Variants in NWD1 observed in about 807,000 individuals in gnomAD.
The protein encoded by NWD1 is NACHT domain- and WD repeat-containing protein 1.
In NWD1, 129 loss-of-function variants were observed where a neutral mutation model predicts 135.1. The observed-to-expected ratio is 0.96, with a 90% CI of 0.83 to 1.11. The LOEUF (loss-of-function observed/expected upper bound fraction) is 1.11, where lower values mean the gene tolerates loss of function less well. NWD1 is among the 50% of genes least tolerant of loss of function. The pLI, the probability that NWD1 is intolerant of heterozygous loss-of-function variation, is 0.00. For synonymous variants in NWD1, 773 were observed against 786.0 expected (o/e 0.98, Z 0.28); for missense variants, 1,740 against 1,851.3 (o/e 0.94, Z 1.10).
intron 2 of NWD1, among the ~76,000 whole-genome samples, chr19:16,725,486 AC>A (rs780915526): frequency 3.9e-5 from 6 of 152,018 alleles, no homozygotes; most frequent in Non-Finnish European, 8.8e-5. Flanking sequence ...TCACCTAACA[AC>A]AAACCTCCTG....
intron 8 of NWD1, among the ~76,000 whole-genome samples, 159 bp downstream of exon 8, chr19:16,762,297 C>CTTTTTTTTT (rs71180331): frequency 1.7e-5 from 2 of 118,120 alleles, no homozygotes; most frequent in Non-Finnish European, 3.4e-5. Context: ...CCCCCCACTC[C>CTTTTTTTTT]TTTTTTTTTT....
chr19:16,808,990 G>A (rs1568398961), intron 18 of NWD1, among the ~76,000 whole-genome samples: 2 of 152,112 alleles, frequency 1.3e-5, no homozygotes, highest in Non-Finnish European at 2.9e-5. Flanking sequence ...GGGCTGAGGC[G>A]GAAGGATTGA....
chr19:16,725,316 T>TC (rs2122666669), intron 2 of NWD1, among the ~76,000 whole-genome samples: 1 of 151,828 alleles, frequency 6.6e-6, no homozygotes, highest in African/African-American at 2.4e-5. Context: ...TACACAAATT[T>TC]TTTTTTTTTT....
intron 10 of NWD1, among the ~76,000 whole-genome samples, chr19:16,766,963 T>C (rs1006386577): frequency 6.6e-6 from 1 of 152,150 alleles, no homozygotes; most frequent in Non-Finnish European, 1.5e-5. Context: ...ACCATTCATC[T>C]CCAGAACTTG....
At chr19:16,761,840 G>T in intron 7 of NWD1, 139 bp from the exon 8 acceptor site, 2 of 576,154 alleles carry the variant, frequency 3.5e-6, no homozygotes, top group South Asian at 2.7e-5. Flanking sequence ...AGATAGATGT[G>T]ATGTATCAAA....
Position 16,779,346 on chromosome 19 carries a change from T to A in NWD1, c.2612T>A (p.Ile871Asn). 5.0e-6 allele frequency: 8 copies of A among 1,613,888 alleles called. No individual in the cohort carries two copies. Among genetic ancestry groups the A allele is most frequent in the Non-Finnish European group, 6.8e-6 (8 of 1,179,990 alleles). ...TGTTGCCTCTGTGTGGCTGCAGGCA[T>A]CACCGCCATGGCATGGGGTGTGGAG... Reference protein sequence around the residue: ...RATLSGCHKGITAMAWGVEEK... With the variant: ...RATLSGCHKGNTAMAWGVEEK... The change falls in exon 12 of 19, where the codon ATC becomes AAC. Residue 871 changes from isoleucine (I) to asparagine (N), a missense_variant. By Grantham distance (149) the Ile-to-Asn change is moderately radical. Coordinates refer to ENST00000524140, the MANE Select transcript of NWD1 (RefSeq NM_001007525.5).
chr19:16,800,429 G>A (rs1010576365), intron 17 of NWD1, among the ~76,000 whole-genome samples: 2 of 70,618 alleles, frequency 2.8e-5, no homozygotes, highest in Non-Finnish European at 5.5e-5. Context: ...AGCTACTTGC[G>A]AGGCTGAGGC....
Position 16,815,082 on chromosome 19 carries a change from C to T in NWD1, c.*43C>T. The T allele has an allele frequency of 6.2e-7, 1 of 1,602,428 alleles. No individual in the cohort carries two copies. ...GCTGTGGTAAACAGAATCATCCCAA[C>T]CACCAGTGGCTTCATTGCCCCCACC... is the stretch of plus-strand genomic sequence containing the variant. On this transcript the variant is annotated 3_prime_UTR_variant, in exon 19 of 19. Coordinates refer to ENST00000524140, the MANE Select transcript of NWD1 (RefSeq NM_001007525.5).
chr19:16,738,164 C>T (rs1967916426), intron 4 of NWD1: 6 of 438,654 alleles, frequency 1.4e-5, no homozygotes, highest in Admixed American at 2.5e-5. Context: ...AGAGTTTAGT[C>T]GTTCTGACAG....
At chr19:16,731,339 G>C in intron 3 of NWD1, 61 bp downstream of exon 3, 1 of 1,026,846 alleles carries the variant, frequency 9.7e-7, no homozygotes, top group Non-Finnish European at 1.5e-6. Flanking sequence ...CGTAGTTCTT[G>C]CTCTGTCGCC....
chr19:16,791,991 G>A (rs1970263614), intron 14 of NWD1, among the ~76,000 whole-genome samples: 2 of 152,160 alleles, frequency 1.3e-5, no homozygotes, highest in South Asian at 4.1e-4. Flanking sequence ...TGGGATTACA[G>A]GCATGAGCCA....
At chr19:16,810,339 G>A (rs1476613099) in intron 18 of NWD1, among the ~76,000 whole-genome samples, 1 of 151,142 alleles carries the variant, frequency 6.6e-6, no homozygotes, top group Non-Finnish European at 1.5e-5. Context: ...CCGGGAGGCC[G>A]AGGCAGGAGA....
At chr19:16,773,872 C>T (rs2122954075) in intron 11 of NWD1, among the ~76,000 whole-genome samples, 1 of 152,036 alleles carries the variant, frequency 6.6e-6, no homozygotes, top group Admixed American at 6.6e-5. Context: ...ATCTACCTCC[C>T]ACCCTTCCAT....
At chr19:16,779,046 G>T (rs970051505) in intron 11 of NWD1, among the ~76,000 whole-genome samples, 22 of 152,164 alleles carry the variant, frequency 1.4e-4, no homozygotes. Flanking sequence ...GATGTCTCCA[G>T]AAACCGATAT....
intron 11 of NWD1, among the ~76,000 whole-genome samples, chr19:16,777,059 AGGGAAG>A (rs1969629617): frequency 1.8e-5 from 1 of 54,288 alleles, no homozygotes; most frequent in African/African-American, 7.8e-5. Flanking sequence ...GGAAGAGGGA[AGGGAAG>A]GGGAAAGGGG....
intron 3 of NWD1, among the ~76,000 whole-genome samples, chr19:16,731,585 G>C (rs551588187): frequency 2.0e-5 from 3 of 148,666 alleles, no homozygotes; most frequent in Non-Finnish European, 3.0e-5. Flanking sequence ...GATTACAGGC[G>C]TGAGCCACTG....
chr19:16,808,417 T>G (rs562053034), intron 18 of NWD1, among the ~76,000 whole-genome samples: 1 of 151,710 alleles, frequency 6.6e-6, no homozygotes, highest in African/African-American at 2.4e-5. Flanking sequence ...AGGTGTGGTG[T>G]TGCATGCTTG....
rs1970551380 is a variant in NWD1, at chr19:16,800,053, A to G, written c.3627A>G (p.Ala1209=). 1.9e-6 allele frequency: 3 copies of G among 1,614,062 alleles called. No homozygotes were observed. Among genetic ancestry groups the G allele is most frequent in the South Asian group, 2.2e-5 (2 of 91,096 alleles). Residue 1209 remains alanine, a synonymous_variant, in exon 17 of 19, where the codon GCA becomes GCG. Coordinates refer to ENST00000524140, the MANE Select transcript of NWD1 (RefSeq NM_001007525.5). ...ATGCTCATAGGTCCCGGGTGCCTGC[A>G]CCATTTCTGGACCGCACCGGCCTCA... ...LSDAHRSRVP[A]PFLDRTGLTA... is the part of the protein sequence containing the mutation.
chr19:16,772,474 C>T (rs1599502070), intron 10 of NWD1, among the ~76,000 whole-genome samples: 1 of 152,046 alleles, frequency 6.6e-6, no homozygotes, highest in East Asian at 1.9e-4. Context: ...GGTGAAACCC[C>T]GTTTCCACTA....
Sources: allele counts gnomAD v4.1 joint callset (sites outside exome capture counted in the v4.1 genomes callset), GRCh38; gene constraint gnomAD v4.1.1; transcripts MANE v1.5; gene names NCBI Gene and HGNC (gene_info 2026-07-23, HGNC 2026-07-21).